The following PGR variants were observed in gnomAD, a reference collection of about 807,000 sequenced individuals.
PGR encodes progesterone receptor.
In PGR, 25 loss-of-function variants were observed where a neutral mutation model predicts 76.1. That is an observed-to-expected ratio of 0.33 (90% confidence interval 0.24 to 0.46). The LOEUF (loss-of-function observed/expected upper bound fraction) is 0.46. Ranked by LOEUF, PGR falls within the 20% of genes least tolerant of loss-of-function variation. The pLI is 1.00. For missense variants in PGR, 1,172 were observed against 1,225.3 expected, an observed-to-expected ratio of 0.96 and a Z score of 0.65; for synonymous variants, 579 against 535.0, an observed-to-expected ratio of 1.08 and a Z score of -1.14.
chr11:101,091,783 C>T lies in PGR; in HGVS notation c.1883G>A (p.Cys628Tyr). ...NCPACRLRKC[C>Y]QAGMVLGGRK... is the part of the protein sequence containing the mutation. ...ACCTCCAAGGACCATGCCAGCCTGACAGCACTTTCTAAGGCGACATGCTGG... is the reference window on the plus strand; with the variant it reads ...ACCTCCAAGGACCATGCCAGCCTGATAGCACTTTCTAAGGCGACATGCTGG... Residue 628 changes from cysteine (C) to tyrosine (Y), a missense_variant, in exon 3 of 8, where the codon TGT (cysteine) becomes TAT (tyrosine). Coordinates refer to ENST00000325455, the MANE Select transcript of PGR (RefSeq NM_000926.4). The T allele has an allele frequency of 6.3e-7, 1 of 1,588,462 alleles. No individual in the cohort carries two copies. The highest frequency in any genetic ancestry group is 1.1e-5 in the South Asian group (1 of 90,616).
chr11:101,091,472 A>C (rs1861671201), intron 3 of PGR, among the ~76,000 whole-genome samples: 1 of 152,198 alleles, frequency 6.6e-6, no homozygotes, highest in Non-Finnish European at 1.5e-5. Context: ...AGACTCCCAC[A>C]CATGTTACTT....
rs924841966 is a variant in PGR at position 101,035,635 on chromosome 11, C to A, written c.*3481G>T. On this transcript the variant is annotated 3_prime_UTR_variant, in exon 8 of 8. Coordinates refer to ENST00000325455, the MANE Select transcript of PGR (RefSeq NM_000926.4). Reference sequence around the variant, plus strand: ...TCAGGCTCTCTGTTCTAAAAAGACACTTAAAAATGTTAAAATCAGTGTCAT... The same window carrying A: ...TCAGGCTCTCTGTTCTAAAAAGACAATTAAAAATGTTAAAATCAGTGTCAT... The A allele has an allele frequency of 3.5e-5, 8 of 231,752 alleles. No homozygotes were observed. Among genetic ancestry groups the A allele is most frequent in the African/African-American group, 1.8e-4 (8 of 45,270 alleles). The allele number at this position is 231,752 out of a possible 1,614,324, so 14.4% of individuals were successfully genotyped here.
At position 101,128,147 on chromosome 11, in the gene PGR, G is replaced by T. The variant is rs1452690650; in HGVS notation, c.924C>A (p.Ile308=). Residue 308 remains isoleucine, a synonymous_variant, in exon 1 of 8, where the codon ATC becomes ATA. Coordinates refer to ENST00000325455, the MANE Select transcript of PGR (RefSeq NM_000926.4). ...CCAATAAGGCGTGATTGAGAGGCAG[G>T]ATAGGCACGTGGATGAAATCCATCA... The part of the protein sequence containing the change: ...TTVMDFIHVP[I]LPLNHALLAA... 1.9e-6 allele frequency: 3 copies of T among 1,598,280 alleles called. No individual in the cohort carries two copies. The African/African-American group carries it at 4.0e-5, about 21-fold the overall frequency.
chr11:101,049,921 T>G lies in PGR; in HGVS notation c.2488+8A>C. The G allele has an allele frequency of 6.2e-7, 1 of 1,609,266 alleles. No individual in the cohort carries two copies. The highest frequency in any genetic ancestry group is 8.5e-7 in the Non-Finnish European group (1 of 1,176,290). ...ATATCTTGCATTAAGTTACTTGAAC[T>G]CACTCACTTGTATTAAGAAGTAACA... On this transcript the variant is annotated splice_region_variant and intron_variant, in intron 6 of 7. Transcript: ENST00000325455.
At chr11:101,040,185 C>T (rs549526026) in intron 7 of PGR, among the ~76,000 whole-genome samples, 1 of 151,972 alleles carries the variant, frequency 6.6e-6, no homozygotes, top group Non-Finnish European at 1.5e-5. Flanking sequence ...TGTCTCAAAG[C>T]CATAGTCAAA....
intron 2 of PGR, among the ~76,000 whole-genome samples, chr11:101,112,120 T>C (rs919983256): frequency 1.3e-5 from 2 of 152,172 alleles, no homozygotes; most frequent in African/African-American, 4.8e-5. Context: ...CATGGTAACC[T>C]TGACAAGAGA....
chr11:101,062,873 A>AATGAG (rs1860564465), intron 3 of PGR, 121 bp from the exon 4 acceptor site: 3 of 672,504 alleles, frequency 4.5e-6, no homozygotes, highest in Admixed American at 3.0e-5. Context: ...AATCGAATGA[A>AATGAG]ATAGAATAAA....
Position 101,072,907 on chromosome 11 carries a change from A to T in PGR, c.1907-10155T>A, listed in dbSNP as rs1591390148. ...TAACACCCTACTGTCAATATTAGAC[A>T]GATCAACAAGACAGAAAATTAATAA... On this transcript the variant is annotated intron_variant, in intron 3 of 7. Transcript: ENST00000325455. 3.9e-5 allele frequency among the ~76,000 whole-genome samples: 6 copies of T among 152,312 alleles called. No homozygotes were observed. In the South Asian group the frequency reaches 6.2e-4, roughly 16 times the overall value.
chr11:101,120,825 A>G (rs1862649509), intron 2 of PGR, among the ~76,000 whole-genome samples: 1 of 152,182 alleles, frequency 6.6e-6, no homozygotes, highest in Non-Finnish European at 1.5e-5. Context: ...TTGAGTAATT[A>G]AAGTACAATG....
At chr11:101,080,660 C>T (rs1172184299) in intron 3 of PGR, among the ~76,000 whole-genome samples, 1 of 151,990 alleles carries the variant, frequency 6.6e-6, no homozygotes, top group African/African-American at 2.4e-5. Flanking sequence ...AGAAATGACA[C>T]ATAAATAATT....
chr11:101,064,953 G>A (rs547033040), intron 3 of PGR, among the ~76,000 whole-genome samples: 5 of 152,216 alleles, frequency 3.3e-5, no homozygotes, highest in South Asian at 2.1e-4. Context: ...ATGCTGTATC[G>A]GTTTGTAGCC....
At chr11:101,124,510 A>C (rs1862779916) in intron 2 of PGR, among the ~76,000 whole-genome samples, 1 of 152,312 alleles carries the variant, frequency 6.6e-6, no homozygotes, top group South Asian at 2.1e-4. Context: ...AGATTTGCTT[A>C]TCTTTCAAAA....
intron 4 of PGR, among the ~76,000 whole-genome samples, chr11:101,059,394 C>T (rs771562006): frequency 1.3e-4 from 19 of 151,948 alleles, no homozygotes; most frequent in Middle Eastern, 3.2e-3. Flanking sequence ...ATTCAAATAT[C>T]GTGTTGCTCT....
rs1003163553 is a variant in PGR at position 101,034,223 on chromosome 11, A to C, written c.*4893T>G. 1 of 219,060 alleles carries C rather than the reference A, an allele frequency of 4.6e-6. No individual in the cohort carries two copies. The highest frequency in any genetic ancestry group is 2.2e-5 in the African/African-American group (1 of 44,570). The allele number at this position is 219,060 out of a possible 1,614,324, so 13.6% of individuals were successfully genotyped here. On this transcript the variant is annotated 3_prime_UTR_variant, in exon 8 of 8. Coordinates refer to ENST00000325455, the MANE Select transcript of PGR (RefSeq NM_000926.4). ...TGTTTAACAATAAGGTCAGCATGAC[A>C]TACAGCAACAAGAGCCAGTAAATCG...
At chr11:101,072,374 T>A (rs1375542785) in intron 3 of PGR, among the ~76,000 whole-genome samples, 1 of 152,066 alleles carries the variant, frequency 6.6e-6, no homozygotes, top group African/African-American at 2.4e-5. Flanking sequence ...TGCAAAAACA[T>A]GCCAAATTGT....
chr11:101,084,792 T>C (rs1165555787), intron 3 of PGR, among the ~76,000 whole-genome samples: 3 of 152,088 alleles, frequency 2.0e-5, no homozygotes, highest in Non-Finnish European at 4.4e-5. Flanking sequence ...AGATGTAGCA[T>C]GCAAACAGAA....
At chr11:101,062,904 C>CA (rs1860567292) in intron 3 of PGR, 152 bp from the exon 4 acceptor site, 2 of 568,290 alleles carry the variant, frequency 3.5e-6, no homozygotes, top group African/African-American at 1.9e-5. Context: ...ATTAAAATTA[C>CA]AAAAAATAAA....
intron 3 of PGR, among the ~76,000 whole-genome samples, chr11:101,076,748 T>C (rs1235307925): frequency 6.6e-5 from 10 of 151,590 alleles, no homozygotes; most frequent in Admixed American, 6.6e-4. Flanking sequence ...CTATAGAGAA[T>C]GGGAGCAGGG....
intron 2 of PGR, among the ~76,000 whole-genome samples, chr11:101,114,865 A>AT (rs35589964): frequency 6.6e-6 from 1 of 152,046 alleles, no homozygotes; most frequent in Non-Finnish European, 1.5e-5. Flanking sequence ...TGATATACTA[A>AT]TTTTCTTAAA....
Sources: allele counts gnomAD v4.1 joint callset (sites outside exome capture counted in the v4.1 genomes callset), GRCh38; gene constraint gnomAD v4.1.1; transcripts MANE v1.5; gene names NCBI Gene and HGNC (gene_info 2026-07-23, HGNC 2026-07-21).